Variants in NLRP2 observed in about 807,000 individuals in gnomAD.
The protein encoded by NLRP2 is NLR family pyrin domain containing 2, also known as NACHT, LRR and PYD domains-containing protein 2.
A neutral mutation model predicts 97.2 loss-of-function variants in NLRP2; 107 were observed. The observed-to-expected ratio is 1.10, with a 90% confidence interval of 0.94 to 1.29. The LOEUF (loss-of-function observed/expected upper bound fraction) is 1.29, where lower values mean the gene tolerates loss of function less well. Among genes scored for constraint, NLRP2 ranks in the 50% most tolerant of loss-of-function variants. The probability of loss-of-function intolerance (pLI) is 0.00; values close to 1 mark genes in which losing one functional copy is unlikely to be tolerated. For missense variants in NLRP2, 1,495 were observed against 1,330.3 expected, an observed-to-expected ratio of 1.12 and a Z score of -1.93; for synonymous variants, 663 against 551.5, an observed-to-expected ratio of 1.20 and a Z score of -2.83.
intron 2 of NLRP2, among the ~76,000 whole-genome samples, chr19:54,972,189 TTTTG>T (rs926830388): frequency 3.3e-5 from 5 of 151,484 alleles, no homozygotes; most frequent in Admixed American, 6.6e-5. Flanking sequence ...TAACTTTTTT[TTTTG>T]TTTGTTTGAG....
At chr19:54,988,935 C>T (rs779090037) in intron 8 of NLRP2, among the ~76,000 whole-genome samples, 9 of 152,002 alleles carry the variant, frequency 5.9e-5, no homozygotes, top group Non-Finnish European at 1.2e-4. Context: ...TTTGGGAGGC[C>T]TAGGCTGGTG....
At chr19:54,976,835 G>C (rs560873934) in intron 3 of NLRP2, 3 of 108,074 alleles carry the variant, frequency 2.8e-5, no homozygotes, top group African/African-American at 3.0e-4. Context: ...TTTTTGATAC[G>C]GAGTCTCGCT....
chr19:54,978,436 C>G (rs945383430), intron 4 of NLRP2, among the ~76,000 whole-genome samples: 2 of 152,014 alleles, frequency 1.3e-5, no homozygotes, highest in African/African-American at 4.8e-5. Flanking sequence ...ACAGGTTTCA[C>G]CATCTCATTC....
rs752221005 is a variant in NLRP2, at chr19:54,982,334, T to A, written c.636T>A (p.Tyr212Ter). 11 of 1,614,000 alleles carry A rather than the reference T, an allele frequency of 6.8e-6. No individual in the cohort carries two copies. Among genetic ancestry groups the A allele is most frequent in the Non-Finnish European group, 9.3e-6 (11 of 1,180,034 alleles). Reference sequence around the variant, plus strand: ...CCTTCTCATACACGGTGGTGCTGTATGGTCCTGCAGGCCTTGGGAAAACCA... The same window carrying A: ...CCTTCTCATACACGGTGGTGCTGTAAGGTCCTGCAGGCCTTGGGAAAACCA... ...PGPFSYTVVL[Y>*]GPAGLGKTTL... Residue 212 changes from tyrosine to a stop codon, truncating the protein, a stop_gained, in exon 6 of 13, where the codon TAT becomes TAA. Coordinates refer to ENST00000448584, the MANE Select transcript of NLRP2 (RefSeq NM_017852.5). LOFTEE classifies it high-confidence loss of function.
chr19:54,972,785 G>A (rs1053226002), intron 2 of NLRP2, among the ~76,000 whole-genome samples: 25 of 152,078 alleles, frequency 1.6e-4, no homozygotes, highest in African/African-American at 5.6e-4. Context: ...CAGTAACCAA[G>A]ATATAGAGTC....
Position 54,974,487 on chromosome 19 carries a change from TCTC to T in NLRP2, c.281-10_281-8del, listed in dbSNP as rs1212749320. 3.7e-6 allele frequency: 6 copies of T among 1,609,780 alleles called. No homozygotes were observed. In the African/African-American group the frequency reaches 4.0e-5, roughly 11 times the overall value. ...GGTAAAATGCAAAATTTTCCCCCCT[TCTC>T]CTTTTTCAGAAGCAGCTTTGAAATC... On this transcript the variant is annotated splice_polypyrimidine_tract_variant and intron_variant, in intron 2 of 12. Coordinates refer to ENST00000448584, the MANE Select transcript of NLRP2 (RefSeq NM_017852.5).
chr19:54,981,904 G>A (rs189964894), intron 5 of NLRP2, among the ~76,000 whole-genome samples: 4 of 151,696 alleles, frequency 2.6e-5, no homozygotes, highest in East Asian at 1.9e-4. Context: ...TCAGCCTCCC[G>A]AGTAGCTGGG....
chr19:55,000,985 T>G lies in NLRP2; in HGVS notation c.*87T>G. The G allele has an allele frequency of 8.3e-7, 1 of 1,199,054 alleles. No homozygotes were observed. The highest frequency in any genetic ancestry group is 1.2e-6 in the Non-Finnish European group (1 of 809,266). 74.3% of individuals were successfully genotyped at this position (1,199,054 alleles called of 1,614,324 possible). Reference sequence around the variant, plus strand: ...TGTGACTCCTCTCCTCCCCGGCCCCTACCCCTCAGGGATAATGAGTTCATT... The same window carrying G: ...TGTGACTCCTCTCCTCCCCGGCCCCGACCCCTCAGGGATAATGAGTTCATT... On this transcript the variant is annotated 3_prime_UTR_variant, in exon 13 of 13. Transcript: ENST00000448584.
chr19:54,976,849 T>G (rs1266249198), intron 3 of NLRP2: 1 of 407,490 alleles, frequency 2.5e-6, no homozygotes, highest in Non-Finnish European at 4.7e-6. Context: ...TCTCGCTTGC[T>G]CTTTTGCCAG....
At chr19:54,969,925 C>A in intron 1 of NLRP2, 74 bp from the exon 2 acceptor site, 1 of 1,452,312 alleles carries the variant, frequency 6.9e-7, no homozygotes, top group Non-Finnish European at 9.6e-7. Context: ...GTTCGTGGCA[C>A]AGCAGGAACT....
At chr19:54,998,025 CTTTT>C (rs757893808) in intron 12 of NLRP2, among the ~76,000 whole-genome samples, 3 of 127,288 alleles carry the variant, frequency 2.4e-5, no homozygotes, top group Non-Finnish European at 3.2e-5. Flanking sequence ...TTTTTTCTTT[CTTTT>C]TTTTTTTTTT....
chr19:54,972,221 A>T (rs2070908277), intron 2 of NLRP2, among the ~76,000 whole-genome samples: 1 of 151,676 alleles, frequency 6.6e-6, no homozygotes, highest in African/African-American at 2.4e-5. Context: ...TCACTCTGTC[A>T]CCCAGGATGG....
intron 8 of NLRP2, 138 bp from the exon 9 acceptor site, chr19:54,989,884 G>A (rs749491645): frequency 3.2e-5 from 27 of 851,620 alleles, no homozygotes; most frequent in East Asian, 2.0e-4. Flanking sequence ...CCAGCTACTC[G>A]GGAGGCTGAG....
chr19:54,996,315 C>G (rs2072820834), intron 11 of NLRP2, among the ~76,000 whole-genome samples: 1 of 151,874 alleles, frequency 6.6e-6, no homozygotes, highest in South Asian at 2.1e-4. Flanking sequence ...CAGCCTGTCT[C>G]TACTAAAGAG....
Position 54,975,106 on chromosome 19 carries a change from G to GTTTTTT in NLRP2, c.325+594_325+599dup, listed in dbSNP as rs558518586. Among the ~76,000 whole-genome samples the GTTTTTT allele has an allele frequency of 9.4e-4, 55 of 58,702 alleles. 10 individuals carry two copies. Among genetic ancestry groups the GTTTTTT allele is most frequent in the Admixed American group, 1.8e-3 (7 of 3,926 alleles). The allele number at this position is 58,702 out of a possible 152,430, so 38.5% of individuals were successfully genotyped here. On this transcript the variant is annotated intron_variant, in intron 3 of 12. Transcript: ENST00000448584. ...ATGAGCCACCACCACACCCGGTTTT[G>GTTTTTT]TTTTTTTTTTTTTTTTTTTTTTTTT...
chr19:54,997,525 A>T, intron 12 of NLRP2, 38 bp downstream of exon 12: 1 of 1,610,222 alleles, frequency 6.2e-7, no homozygotes, highest in East Asian at 2.2e-5. Flanking sequence ...CTTTCTCCAG[A>T]GTGGTAGGTT....
At chr19:54,978,234 ATTT>A (rs5828609) in intron 4 of NLRP2, among the ~76,000 whole-genome samples, 10 of 131,748 alleles carry the variant, frequency 7.6e-5, no homozygotes, top group East Asian at 2.3e-4. Context: ...CACCCAGCTA[ATTT>A]TTTTTTTTTT....
At chr19:54,987,703 C>A (rs1284830754) in intron 8 of NLRP2, among the ~76,000 whole-genome samples, 3 of 150,670 alleles carry the variant, frequency 2.0e-5, no homozygotes, top group African/African-American at 7.4e-5. Flanking sequence ...GATCACACCA[C>A]CGCACTCCAG....
chr19:54,998,372 A>G lies in NLRP2; in HGVS notation c.3050+885A>G, dbSNP rs116157841. On this transcript the variant is annotated intron_variant, in intron 12 of 12. Transcript: ENST00000448584. ...AGAACCAAGAAGCCCCTTCCTAGGAATGTGGGAACTTCAGAAATTCTCACA... is the reference window on the plus strand; with the variant it reads ...AGAACCAAGAAGCCCCTTCCTAGGAGTGTGGGAACTTCAGAAATTCTCACA... 8.7e-3 allele frequency among the ~76,000 whole-genome samples: 1,316 copies of G among 152,118 alleles called. 13 individuals carry two copies. The highest frequency in any genetic ancestry group is 0.03 in the African/African-American group (1,265 of 41,514).
Sources: gnomAD v4.1 joint callset for allele counts (sites outside exome capture counted in the v4.1 genomes callset) on GRCh38, gnomAD v4.1.1 for gene constraint, MANE v1.5 for transcripts, NCBI Gene and HGNC (gene_info 2026-07-23, HGNC 2026-07-21) for gene names.